DNAH9: variants seen among roughly 807,000 people sequenced by gnomAD.
DNAH9 encodes the protein dynein axonemal heavy chain 9, also known as DNAH9 variant protein.
Under a neutral mutation model 471.6 loss-of-function variants are expected in DNAH9, and 345 were observed. The ratio of observed to expected loss-of-function variants is 0.73; its 90% CI spans 0.67 to 0.80. DNAH9 has a LOEUF of 0.80. DNAH9 is among the 30% of genes least tolerant of loss of function. The probability of loss-of-function intolerance (pLI) is 0.00; values close to 1 mark genes in which losing one functional copy is unlikely to be tolerated. For missense variants in DNAH9, 5,407 were observed against 5,609.2 expected (o/e 0.96, Z 1.15); for synonymous variants, 2,093 against 2,123.6 (o/e 0.99, Z 0.40).
chr17:11,962,390 TCAGGCC>T lies in DNAH9; in HGVS notation c.13233+135_13233+140del. 7.2e-7 allele frequency: 1 copy of T among 1,379,928 alleles called. No homozygotes were observed. Among genetic ancestry groups the T allele is most frequent in the Non-Finnish European group, 9.5e-7 (1 of 1,051,320 alleles). The allele number at this position is 1,379,928 out of a possible 1,614,324, so 85.5% of individuals were successfully genotyped here. A position where few individuals can be genotyped will look rare whatever the true frequency, so the allele number is the denominator to read the frequency against. On this transcript the variant is annotated intron_variant, in intron 68 of 68. Coordinates refer to ENST00000262442, the MANE Select transcript of DNAH9 (RefSeq NM_001372.4). This position sits in a 1 kb window ranked among gnomAD's most constrained non-coding sequence, Gnocchi z 4.1. ...AGCTAACCTTCTTTCCTTGAGGCCA[TCAGGCC>T]ATTTTTATTTAGCCAGGGGTGGTGC...
intron 24 of DNAH9, among the ~76,000 whole-genome samples, 161 bp from the exon 25 acceptor site, chr17:11,704,042 G>A (rs1284931298): frequency 6.6e-6 from 1 of 152,192 alleles, no homozygotes; most frequent in African/African-American, 2.4e-5. Flanking sequence ...CACCTTCAAG[G>A]GTTTAGAGCA....
intron 26 of DNAH9, among the ~76,000 whole-genome samples, chr17:11,713,787 GT>G (rs2074914262): frequency 6.6e-6 from 1 of 152,050 alleles, no homozygotes; most frequent in South Asian, 2.1e-4. Flanking sequence ...AATTCTAAAA[GT>G]TTTACTCTTG....
At position 11,689,748 on chromosome 17, in the gene DNAH9, T is replaced by G. The variant is rs139705730; in HGVS notation, c.3926T>G (p.Ile1309Ser). ...VCQLKELWDT[I>S]GMVTSSIHAW... is the part of the protein sequence containing the mutation. The stretch of plus-strand genomic sequence containing the variant: ...CAGCTGAAGGAGCTCTGGGACACCA[T>G]TGGAATGGTGACCTCCAGCATCCAT... Residue 1309 changes from isoleucine to serine, a missense_variant, in exon 20 of 69, where the codon ATT becomes AGT. Around this residue, in one of 3 missense-constraint regions of DNAH9, gnomAD observed 4,636 missense variants for 4,900.3 expected, o/e 0.95. Transcript: ENST00000262442. 2.7e-4 allele frequency: 441 copies of G among 1,613,972 alleles called. No individual in the cohort carries two copies. Among genetic ancestry groups the G allele is most frequent in the Admixed American group, 8.7e-4 (52 of 60,000 alleles).
At position 11,929,908 on chromosome 17, in the gene DNAH9, A is replaced by C. The variant is rs762886584; in HGVS notation, c.11920A>C (p.Lys3974Gln). 3 of 1,613,890 alleles carry C rather than the reference A, an allele frequency of 1.9e-6. No homozygotes were observed. The highest frequency in any genetic ancestry group is 1.3e-5 in the African/African-American group (1 of 74,930). Residue 3974 changes from lysine (K) to glutamine (Q), a missense_variant, in exon 63 of 69, where the codon AAG becomes CAG. Physicochemically the swap from Lys to Gln is moderately conservative, Grantham distance 53 (BLOSUM62 1). Coordinates refer to ENST00000262442, the MANE Select transcript of DNAH9 (RefSeq NM_001372.4). ...CAAGTGGCTCAGCACCCTGGAGAAG[A>C]AGCTGGAGGAGCACAGTGAGAACAG... is the stretch of plus-strand genomic sequence containing the variant. Reference protein sequence around the residue: ...VAKWLSTLEKKLEEHSENSHP... With the variant: ...VAKWLSTLEKQLEEHSENSHP...
At chr17:11,837,336 G>A (rs535644808) in intron 49 of DNAH9, among the ~76,000 whole-genome samples, 5 of 152,236 alleles carry the variant, frequency 3.3e-5, no homozygotes, top group South Asian at 2.1e-4. Flanking sequence ...TGCTGTCCTC[G>A]AACTAGTGTA....
At chr17:11,821,890 G>A in intron 45 of DNAH9, 30 bp from the exon 46 acceptor site, 1 of 1,595,790 alleles carries the variant, frequency 6.3e-7, no homozygotes, top group Non-Finnish European at 8.5e-7. Flanking sequence ...AGATGCCAAG[G>A]CTGCCTATCT....
chr17:11,672,744 A>C, intron 17 of DNAH9, among the ~76,000 whole-genome samples: 1 of 150,178 alleles, frequency 6.7e-6, no homozygotes, highest in Admixed American at 6.7e-5. Flanking sequence ...AACGCCCTTC[A>C]CTCTACCATA....
chr17:11,760,877 C>G (rs1450549751), intron 35 of DNAH9, among the ~76,000 whole-genome samples: 2 of 152,206 alleles, frequency 1.3e-5, no homozygotes, highest in South Asian at 2.1e-4. Context: ...CCGCGATGCT[C>G]CCCTGGCATC....
chr17:11,755,451 G>A (rs1967339797), intron 33 of DNAH9, among the ~76,000 whole-genome samples: 1 of 152,136 alleles, frequency 6.6e-6, no homozygotes, highest in South Asian at 2.1e-4. Context: ...TCCTATCCAT[G>A]AACACGGGAT....
Position 11,669,075 on chromosome 17 carries a change from G to A in DNAH9, c.2743G>A (p.Gly915Arg). ...YLLENTECKAGLTPIFEAQLS... is the reference protein window; with the variant it reads ...YLLENTECKARLTPIFEAQLS... ...TCTGTGTTTTTCAGAGTGTAAGGCA[G>A]GACTTACCCCAATATTTGAAGCACA... Residue 915 changes from glycine to arginine, a missense_variant, in exon 16 of 69, where the codon GGA becomes AGA. Coordinates refer to ENST00000262442, the MANE Select transcript of DNAH9 (RefSeq NM_001372.4). 6.2e-7 allele frequency: 1 copy of A among 1,611,958 alleles called. No individual in the cohort carries two copies. Among genetic ancestry groups the A allele is most frequent in the Non-Finnish European group, 8.5e-7 (1 of 1,178,508 alleles).
Position 11,961,875 on chromosome 17 carries a change from G to A in DNAH9, c.12852G>A (p.Leu4284=). The A allele has an allele frequency of 1.9e-6, 3 of 1,606,842 alleles. No individual in the cohort carries two copies. Among genetic ancestry groups the A allele is most frequent in the East Asian group, 2.2e-5 (1 of 44,734 alleles). ...CCATTCTTTATCTTCAGGGGGAGCT[G>A]ACTATGACCAGCCACATGGAGAACT... The part of the protein sequence containing the change: ...RELELGLKGE[L]TMTSHMENLQ... The change falls in exon 68 of 69, where the codon CTG becomes CTA. Residue 4284 remains leucine (L), a synonymous_variant. Coordinates refer to ENST00000262442, the MANE Select transcript of DNAH9 (RefSeq NM_001372.4).
At chr17:11,782,827 G>T (rs906342097) in intron 39 of DNAH9, among the ~76,000 whole-genome samples, 8 of 152,134 alleles carry the variant, frequency 5.3e-5, no homozygotes, top group Admixed American at 2.6e-4. Context: ...AACCCAGAAG[G>T]TAGAGGTTGC....
At chr17:11,927,116 T>A (rs1262444703) in intron 62 of DNAH9, among the ~76,000 whole-genome samples, 1 of 152,144 alleles carries the variant, frequency 6.6e-6, no homozygotes. Flanking sequence ...GTTTGTTTTT[T>A]TGCTTGTAAA....
chr17:11,632,262 G>C (rs2073083679), intron 7 of DNAH9, among the ~76,000 whole-genome samples: 1 of 152,190 alleles, frequency 6.6e-6, no homozygotes. Flanking sequence ...TGCTGCGGTG[G>C]TTTTCAGGGT....
intron 6 of DNAH9, chr17:11,620,041 T>C: frequency 2.1e-6 from 1 of 466,274 alleles, no homozygotes; most frequent in East Asian, 3.8e-5. Context: ...CAAAACGCCT[T>C]CTCTACAAAA....
chr17:11,875,046 G>C lies in DNAH9; in HGVS notation c.10340G>C (p.Arg3447Pro). The C allele has an allele frequency of 6.2e-7, 1 of 1,614,116 alleles. No homozygotes were observed. Among genetic ancestry groups the C allele is most frequent in the Non-Finnish European group, 8.5e-7 (1 of 1,180,004 alleles). ...CAGAACGAGGGCCTCCCAGCCGACCGCATGTCCGTGGAGAATGCCACCATT... is the reference window on the plus strand; with the variant it reads ...CAGAACGAGGGCCTCCCAGCCGACCCCATGTCCGTGGAGAATGCCACCATT... ...AWQNEGLPADRMSVENATILI... is the reference protein window; with the variant it reads ...AWQNEGLPADPMSVENATILI... Residue 3447 changes from arginine to proline, a missense_variant, in exon 53 of 69, where the codon CGC becomes CCC. Transcript: ENST00000262442.
chr17:11,920,862 C>T (rs556429343), intron 61 of DNAH9, among the ~76,000 whole-genome samples: 2 of 151,158 alleles, frequency 1.3e-5, no homozygotes, highest in African/African-American at 2.4e-5. Flanking sequence ...GGTTTTTAGT[C>T]GGGTGCAATG....
Position 11,891,954 on chromosome 17 carries a change from G to C in DNAH9, c.11283+7G>C. Reference sequence around the variant, plus strand: ...TGCCCAGCTCACCTTTCAGGTAAAAGTGGATTGAAGAAGTTTCCAGAAAAC... The same window carrying C: ...TGCCCAGCTCACCTTTCAGGTAAAACTGGATTGAAGAAGTTTCCAGAAAAC... On this transcript the variant is annotated splice_region_variant and intron_variant, in intron 58 of 68. Transcript: ENST00000262442. The C allele has an allele frequency of 6.2e-7, 1 of 1,610,572 alleles. No individual in the cohort carries two copies. The highest frequency in any genetic ancestry group is 8.5e-7 in the Non-Finnish European group (1 of 1,177,658).
Position 11,599,022 on chromosome 17 carries a change from G to A in DNAH9, c.417+107G>A, listed in dbSNP as rs1442893400. 2.3e-4 allele frequency: 224 copies of A among 973,720 alleles called. 6 individuals are homozygous for A. The Admixed American group carries it at 7.8e-3, about 34-fold the overall frequency. 60.3% of individuals were successfully genotyped at this position (973,720 alleles called of 1,614,324 possible). A position where few individuals can be genotyped will look rare whatever the true frequency, so the allele number is the denominator to read the frequency against. ...AGAGGGGGCGGGGCGAAGCTGCAGG[G>A]GAGGTCCAAGAGGCGGAGTGATAGG... On this transcript the variant is annotated intron_variant, in intron 1 of 68. Coordinates refer to ENST00000262442, the MANE Select transcript of DNAH9 (RefSeq NM_001372.4).
Sources: gnomAD v4.1 joint callset for allele counts (sites outside exome capture counted in the v4.1 genomes callset) on GRCh38, gnomAD v4.1.1 for gene constraint, gnomAD v4.1.1 regional missense constraint, Gnocchi (gnomAD v3.1) non-coding constraint, MANE v1.5 for transcripts, NCBI Gene and HGNC (gene_info 2026-07-23, HGNC 2026-07-21) for gene names.